SLIT3: variants seen among roughly 807,000 people sequenced by gnomAD.
SLIT3 encodes the protein slit guidance ligand 3, also known as slit homolog 3 protein.
In SLIT3, 68 loss-of-function variants were observed where a neutral mutation model predicts 184.0. The observed-to-expected ratio is 0.37, with a 90% confidence interval of 0.30 to 0.45. SLIT3 has a LOEUF of 0.45. SLIT3 is among the 20% of genes least tolerant of loss of function. The pLI is 1.00. For synonymous variants in SLIT3, 831 were observed against 828.6 expected, an observed-to-expected ratio of 1.00 and a Z score of -0.05; for missense variants, 1,707 against 2,026.0, an observed-to-expected ratio of 0.84 and a Z score of 3.02.
intron 4 of SLIT3, among the ~76,000 whole-genome samples, chr5:169,166,387 C>A (rs1388776777): frequency 6.6e-6 from 1 of 152,142 alleles, no homozygotes; most frequent in African/African-American, 2.4e-5. Flanking sequence ...TATTACAGTT[C>A]GCAGGGCAGT....
chr5:169,229,079 T>TGAGAGA (rs150397537), intron 3 of SLIT3, among the ~76,000 whole-genome samples: 7,087 of 152,012 alleles, frequency 0.047, 179 homozygotes, highest in Admixed American at 0.057. Flanking sequence ...ACACACAGAT[T>TGAGAGA]GAGAGAGAGA....
intron 8 of SLIT3, among the ~76,000 whole-genome samples, chr5:168,808,933 G>C (rs1197977380): frequency 6.6e-6 from 1 of 152,176 alleles, no homozygotes; most frequent in Non-Finnish European, 1.5e-5. Flanking sequence ...CCAGGGAGAA[G>C]TCCCACACTT....
At chr5:169,186,792 A>T (rs569843634) in intron 4 of SLIT3, among the ~76,000 whole-genome samples, 1 of 152,330 alleles carries the variant, frequency 6.6e-6, no homozygotes, top group African/African-American at 2.4e-5. Flanking sequence ...AGGAGGACTC[A>T]GCCCTGGGAA....
chr5:169,104,302 C>T (rs890321642), intron 4 of SLIT3, among the ~76,000 whole-genome samples: 1 of 152,114 alleles, frequency 6.6e-6, no homozygotes, highest in Non-Finnish European at 1.5e-5. Flanking sequence ...TGGAAAATGC[C>T]TGAAGAGCAA....
intron 6 of SLIT3, among the ~76,000 whole-genome samples, chr5:168,835,478 A>C (rs1172819292): frequency 1.6e-5 from 2 of 123,416 alleles, no homozygotes; most frequent in East Asian, 2.1e-4. Context: ...CCCTTACTTC[A>C]AAAAAAAAAA....
intron 3 of SLIT3, among the ~76,000 whole-genome samples, chr5:169,207,755 G>C (rs889349832): frequency 1.3e-5 from 2 of 152,162 alleles, no homozygotes; most frequent in African/African-American, 4.8e-5. Flanking sequence ...TTCAACCACT[G>C]AGATGATGGC....
chr5:169,009,621 C>G (rs1756064548), intron 4 of SLIT3, among the ~76,000 whole-genome samples: 1 of 152,206 alleles, frequency 6.6e-6, no homozygotes, highest in African/African-American at 2.4e-5. Flanking sequence ...TAGTGACAGC[C>G]TCATAGCTGA....
intron 4 of SLIT3, among the ~76,000 whole-genome samples, chr5:168,907,923 TTTTATATATATATTATACGTG>T (rs1761112834): frequency 1.1e-5 from 1 of 93,246 alleles, no homozygotes; most frequent in East Asian, 5.2e-4. Context: ...TCTATATCTA[TTTTATATATATATTATACGTG>T]TATATATATA....
rs1765082588 is a variant in SLIT3, at chr5:169,233,451, A to C, written c.341+11254T>G. Among the ~76,000 whole-genome samples, 4 of 150,648 alleles carry C rather than the reference A, an allele frequency of 2.7e-5. No individual in the cohort carries two copies. In the South Asian group the frequency reaches 8.4e-4, roughly 32 times the overall value. Reference sequence around the variant, plus strand: ...TTGACCTTGTGTCCAGTGACCTTAGAAATCTACTTAAGAATTCTGATAGTT... The same window carrying C: ...TTGACCTTGTGTCCAGTGACCTTAGCAATCTACTTAAGAATTCTGATAGTT... On this transcript the variant is annotated intron_variant, in intron 3 of 35. Transcript: ENST00000519560.
chr5:168,797,386 C>T (rs1397179737), intron 9 of SLIT3, among the ~76,000 whole-genome samples: 1 of 152,200 alleles, frequency 6.6e-6, no homozygotes, highest in Non-Finnish European at 1.5e-5. Flanking sequence ...CTGGATGATG[C>T]CTCCAGGGAA....
chr5:168,831,276 A>G (rs6883428), intron 6 of SLIT3, among the ~76,000 whole-genome samples: 16,036 of 144,250 alleles, frequency 0.11, 1,101 homozygotes, highest in African/African-American at 0.2. Context: ...CCAAGGGCAT[A>G]TGAGGCGGGA....
At position 169,088,516 on chromosome 5, in the gene SLIT3, C is replaced by A. The variant is rs139512364; in HGVS notation, c.413+104963G>T. The stretch of plus-strand genomic sequence containing the variant: ...CATAAAACCCTTTCCATAGCAACGG[C>A]ATTTCTGAGCCAGGGATTTACAACT... On this transcript the variant is annotated intron_variant, in intron 4 of 35. Transcript: ENST00000519560. Among the ~76,000 whole-genome samples the A allele has an allele frequency of 2.0e-5, 3 of 151,966 alleles. No individual in the cohort carries two copies. The East Asian group carries it at 5.8e-4, about 29-fold the overall frequency.
At chr5:169,067,608 CT>C (rs1286521220) in intron 4 of SLIT3, among the ~76,000 whole-genome samples, 2 of 152,158 alleles carry the variant, frequency 1.3e-5, no homozygotes. Flanking sequence ...CATAAACCTC[CT>C]GCTACTTGGG....
chr5:169,184,649 C>CCAGA, intron 4 of SLIT3, among the ~76,000 whole-genome samples: 1 of 152,178 alleles, frequency 6.6e-6, no homozygotes, highest in Non-Finnish European at 1.5e-5. Context: ...ATCTAATGAA[C>CCAGA]CAGACTTCCC....
chr5:168,894,013 A>G (rs1220948868), intron 4 of SLIT3, among the ~76,000 whole-genome samples: 8 of 152,150 alleles, frequency 5.3e-5, no homozygotes, highest in Non-Finnish European at 1.0e-4. Context: ...GAGGGGAGTG[A>G]GGCTGATTGA....
At chr5:168,757,235 T>A (rs923734954) in intron 16 of SLIT3, among the ~76,000 whole-genome samples, 3 of 152,202 alleles carry the variant, frequency 2.0e-5, no homozygotes, top group Non-Finnish European at 4.4e-5. Context: ...TTTGGGTTAG[T>A]TCAGAGCCCC....
At chr5:169,018,106 C>T (rs1756463110) in intron 4 of SLIT3, among the ~76,000 whole-genome samples, 1 of 152,234 alleles carries the variant, frequency 6.6e-6, no homozygotes, top group Non-Finnish European at 1.5e-5. Context: ...CTGTCTGCGT[C>T]AGAATCACCT....
chr5:168,676,508 C>G (rs1489965726), intron 32 of SLIT3, among the ~76,000 whole-genome samples: 5 of 152,164 alleles, frequency 3.3e-5, no homozygotes, highest in African/African-American at 1.2e-4. Flanking sequence ...CACCAAGTTG[C>G]AAGCTGAGGG....
intron 23 of SLIT3, among the ~76,000 whole-genome samples, chr5:168,713,865 C>T (rs2113336779): frequency 6.6e-6 from 1 of 152,354 alleles, no homozygotes; most frequent in South Asian, 2.1e-4. Context: ...TTCTGACAAA[C>T]TCTGAGGTGA....
Sources: allele counts gnomAD v4.1 joint callset (sites outside exome capture counted in the v4.1 genomes callset), GRCh38; gene constraint gnomAD v4.1.1; transcripts MANE v1.5; gene names NCBI Gene and HGNC (gene_info 2026-07-23, HGNC 2026-07-21).